The following TGIF2 variants were observed in gnomAD, a reference collection of about 807,000 sequenced individuals.
TGIF2 encodes the protein homeobox protein TGIF2.
TGIF2 carries 5 observed loss-of-function variants against 15.1 expected under a neutral mutation model. That is an observed-to-expected ratio of 0.33 (90% CI 0.17 to 0.70). The LOEUF (loss-of-function observed/expected upper bound fraction) is 0.70. TGIF2 is among the 30% of genes least tolerant of loss of function. TGIF2 has a pLI of 0.67. For synonymous variants in TGIF2, 131 were observed against 128.9 expected, an observed-to-expected ratio of 1.02 and a Z score of -0.11; for missense variants, 264 against 302.5, an observed-to-expected ratio of 0.87 and a Z score of 0.94.
rs1197313519 is a variant in TGIF2 at position 36,593,433 on chromosome 20, C to G, written c.*2002C>G. On this transcript the variant is annotated 3_prime_UTR_variant, in exon 3 of 3. Transcript: ENST00000373872. The stretch of plus-strand genomic sequence containing the variant: ...TGAAGGAGAGGGAGCTTTGCTCTCT[C>G]TAGGTGGGCAAGTTTCCTGGGCTCT... The G allele has an allele frequency of 6.6e-6, 1 of 152,322 alleles. No homozygotes were observed. Among genetic ancestry groups the G allele is most frequent in the Non-Finnish European group, 1.5e-5 (1 of 68,156 alleles). 9.4% of individuals were successfully genotyped at this position (152,322 alleles called of 1,614,324 possible). A position where few individuals can be genotyped will look rare whatever the true frequency, so the allele number is the denominator to read the frequency against.
At position 36,590,865 on chromosome 20, in the gene TGIF2, T is replaced by A. The variant is rs773860135; in HGVS notation, c.193-45T>A. On this transcript the variant is annotated intron_variant, in intron 2 of 2. Coordinates refer to ENST00000373872, the MANE Select transcript of TGIF2 (RefSeq NM_021809.7). ...TGAGCCACTGTGCCCAGCCCATAGC[T>A]GTTTTAGATTAAGCAAATTGATCGG... is the stretch of plus-strand genomic sequence containing the variant. 4.7e-6 allele frequency: 7 copies of A among 1,497,536 alleles called. No homozygotes were observed. In the South Asian group the frequency reaches 9.9e-5, roughly 21 times the overall value. 92.8% of individuals were successfully genotyped at this position (1,497,536 alleles called of 1,614,324 possible). A position where few individuals can be genotyped will look rare whatever the true frequency, so the allele number is the denominator to read the frequency against.
chr20:36,579,234 C>T (rs1569532058), intron 2 of TGIF2, among the ~76,000 whole-genome samples: 1 of 152,088 alleles, frequency 6.6e-6, no homozygotes, highest in African/African-American at 2.4e-5. Flanking sequence ...TGCAGTGATG[C>T]GATCTCGGCT....
At chr20:36,587,239 G>A (rs1268245289) in intron 2 of TGIF2, among the ~76,000 whole-genome samples, 2 of 152,244 alleles carry the variant, frequency 1.3e-5, no homozygotes, top group Non-Finnish European at 2.9e-5. Context: ...AGACAAAACA[G>A]ACAGATGCTA....
intron 2 of TGIF2, among the ~76,000 whole-genome samples, chr20:36,589,492 A>C (rs2038725527): frequency 6.6e-6 from 1 of 151,584 alleles, no homozygotes; most frequent in Non-Finnish European, 1.5e-5. Context: ...TCCCGGGTTC[A>C]AGCAGTTCTC....
chr20:36,584,373 A>G (rs2038609262), intron 2 of TGIF2, among the ~76,000 whole-genome samples: 1 of 152,198 alleles, frequency 6.6e-6, no homozygotes, highest in Admixed American at 6.5e-5. Context: ...AGTGTAGCAT[A>G]GTGCTTGGTA....
rs1372920381 is a variant in TGIF2, at chr20:36,579,096, T to C, written c.192+130T>C. 3.1e-6 allele frequency: 4 copies of C among 1,280,886 alleles called. No individual in the cohort carries two copies. In the African/African-American group the frequency reaches 4.5e-5, roughly 14 times the overall value. 79.3% of individuals were successfully genotyped at this position (1,280,886 alleles called of 1,614,324 possible). ...GTCTGGGCTTCGGTTTCTTCTTGGG[T>C]TAGGGGAGAACACCCACTCTCCCTG... On this transcript the variant is annotated intron_variant, in intron 2 of 2. Coordinates refer to ENST00000373872, the MANE Select transcript of TGIF2 (RefSeq NM_021809.7).
intron 2 of TGIF2, among the ~76,000 whole-genome samples, chr20:36,583,569 T>C (rs2038589234): frequency 6.6e-6 from 1 of 151,980 alleles, no homozygotes; most frequent in South Asian, 2.1e-4. Flanking sequence ...GAGACCTACC[T>C]GGCCAACTTG....
At chr20:36,574,504 C>A (rs1002378107) in intron 1 of TGIF2, 16 of 151,972 alleles carry the variant, frequency 1.1e-4, no homozygotes, top group Non-Finnish European at 1.8e-4. Context: ...CTCCCCTCCC[C>A]CTCCGGGCCC....
chr20:36,592,924 A>G lies in TGIF2; in HGVS notation c.*1493A>G, dbSNP rs2038792730. On this transcript the variant is annotated 3_prime_UTR_variant, in exon 3 of 3. Transcript: ENST00000373872. ...AACCTCCGCCTCCCGGGTTCAAGCAATTATTTGCCTCAGCCTCCCGAGTAG... is the reference window on the plus strand; with the variant it reads ...AACCTCCGCCTCCCGGGTTCAAGCAGTTATTTGCCTCAGCCTCCCGAGTAG... 6.6e-6 allele frequency: 1 copy of G among 152,046 alleles called. No homozygotes were observed. Among genetic ancestry groups the G allele is most frequent in the African/African-American group, 2.4e-5 (1 of 41,360 alleles). The allele number at this position is 152,046 out of a possible 1,614,324, so 9.4% of individuals were successfully genotyped here.
rs1305795840 is a variant in TGIF2 at position 36,591,204 on chromosome 20, A to G, written c.487A>G (p.Thr163Ala). The G allele has an allele frequency of 6.2e-7, 1 of 1,614,180 alleles. No homozygotes were observed. Among genetic ancestry groups the G allele is most frequent in the Non-Finnish European group, 8.5e-7 (1 of 1,180,004 alleles). Reference sequence around the variant, plus strand: ...CAAGCCCCTGGTGACCCCTGGTAGCACACTTACTCTGCTGACCAGGGCTGA... The same window carrying G: ...CAAGCCCCTGGTGACCCCTGGTAGCGCACTTACTCTGCTGACCAGGGCTGA... ...SPKPLVTPGS[T>A]LTLLTRAEAG... Residue 163 changes from threonine to alanine, a missense_variant, in exon 3 of 3, where the codon ACA (threonine) becomes GCA (alanine). Transcript: ENST00000373872. This position sits in a 1 kb window ranked among gnomAD's most constrained non-coding sequence, Gnocchi z 5.3.
chr20:36,578,397 A>C (rs1303788577), intron 1 of TGIF2, among the ~76,000 whole-genome samples: 1 of 151,026 alleles, frequency 6.6e-6, no homozygotes, highest in Non-Finnish European at 1.5e-5. Flanking sequence ...TGGGCTACAG[A>C]GTGAGAGCCT....
In TGIF2 at chr20:36,591,248, T is replaced by C; in HGVS notation, c.531T>C (p.Gly177=). ...GGGCTGAGGCTGGAAGCCCCACAGG[T>C]GGACTCTTCAACACGCCACCACCCA... is the stretch of plus-strand genomic sequence containing the variant. ...LTRAEAGSPT[G]GLFNTPPPTP... Residue 177 remains glycine, a synonymous_variant, in exon 3 of 3, where the codon GGT becomes GGC. Transcript: ENST00000373872. The surrounding 1 kb of genome is among the most constrained non-coding windows in gnomAD (Gnocchi z 5.3). 1 of 1,614,076 alleles carries C rather than the reference T, an allele frequency of 6.2e-7. No homozygotes were observed.
intron 2 of TGIF2, among the ~76,000 whole-genome samples, chr20:36,580,797 G>A (rs1373834360): frequency 7.4e-6 from 1 of 135,914 alleles, no homozygotes; most frequent in Non-Finnish European, 1.6e-5. Flanking sequence ...CTGGGCGAAG[G>A]AGTGAGACAT....
chr20:36,583,954 C>CTACT (rs1394245533), intron 2 of TGIF2, among the ~76,000 whole-genome samples: 4 of 152,080 alleles, frequency 2.6e-5, no homozygotes, highest in Admixed American at 2.6e-4. Flanking sequence ...GTAATCCCAG[C>CTACT]TACTTAGGAG....
chr20:36,593,606 CT>C lies in TGIF2; in HGVS notation c.*2177del, dbSNP rs1471380964. The stretch of plus-strand genomic sequence containing the variant: ...ACTGATGCTGCCATTTGCCCAGCCT[CT>C]TCCATCCCAGCCCTGTCAGTGAGCC... On this transcript the variant is annotated 3_prime_UTR_variant, in exon 3 of 3. Coordinates refer to ENST00000373872, the MANE Select transcript of TGIF2 (RefSeq NM_021809.7). The C allele has an allele frequency of 1.3e-5, 2 of 152,806 alleles. No homozygotes were observed. Among genetic ancestry groups the C allele is most frequent in the Non-Finnish European group, 2.9e-5 (2 of 68,164 alleles). 9.5% of individuals were successfully genotyped at this position (152,806 alleles called of 1,614,324 possible). A position where few individuals can be genotyped will look rare whatever the true frequency, so the allele number is the denominator to read the frequency against.
At chr20:36,579,611 C>T (rs1468213863) in intron 2 of TGIF2, among the ~76,000 whole-genome samples, 5 of 152,168 alleles carry the variant, frequency 3.3e-5, no homozygotes, top group South Asian at 4.1e-4. Context: ...CAGTATTGGA[C>T]GGCGACTTGG....
In TGIF2 at chr20:36,591,137, A is replaced by G. The variant is rs752938737; in HGVS notation, c.420A>G (p.Glu140=). 37 of 1,613,676 alleles carry G rather than the reference A, an allele frequency of 2.3e-5. No homozygotes were observed. Among genetic ancestry groups the G allele is most frequent in the Non-Finnish European group, 2.8e-5 (33 of 1,179,802 alleles). The change falls in exon 3 of 3, where the codon GAA becomes GAG. Residue 140 remains glutamate, a synonymous_variant. Coordinates refer to ENST00000373872, the MANE Select transcript of TGIF2 (RefSeq NM_021809.7). The surrounding 1 kb of genome is among the most constrained non-coding windows in gnomAD (Gnocchi z 5.3). ...TGCCGCTTCACTCAGGCCAGGGGGAAAAGCCAGCAGCCCCTTTCCCACGTG... is the reference window on the plus strand; with the variant it reads ...TGCCGCTTCACTCAGGCCAGGGGGAGAAGCCAGCAGCCCCTTTCCCACGTG... ...CSMPLHSGQG[E]KPAAPFPRGE... is the part of the protein sequence containing the mutation.
chr20:36,589,154 T>C (rs1199860652), intron 2 of TGIF2, among the ~76,000 whole-genome samples: 1 of 152,226 alleles, frequency 6.6e-6, no homozygotes, highest in Non-Finnish European at 1.5e-5. Context: ...CTTATCTTTA[T>C]AATGCCCCCT....
In TGIF2 at chr20:36,574,423, A is replaced by G. The variant is rs1409577572; in HGVS notation, c.-35+678A>G. ...CCGGGGCAGGGGGCGGCCAACATGG[A>G]GTCTGGGCGCAGGGCTGGGGGGGGG... On this transcript the variant is annotated intron_variant, in intron 1 of 2. Coordinates refer to ENST00000373872, the MANE Select transcript of TGIF2 (RefSeq NM_021809.7). 9 of 45,132 alleles carry G rather than the reference A, an allele frequency of 2.0e-4. No homozygotes were observed. In the South Asian group the frequency reaches 3.8e-3, roughly 19 times the overall value. 2.8% of individuals were successfully genotyped at this position (45,132 alleles called of 1,614,324 possible).
Sources: gnomAD v4.1 joint callset for allele counts (sites outside exome capture counted in the v4.1 genomes callset) on GRCh38, gnomAD v4.1.1 for gene constraint, Gnocchi (gnomAD v3.1) non-coding constraint, MANE v1.5 for transcripts, NCBI Gene and HGNC (gene_info 2026-07-23, HGNC 2026-07-21) for gene names.